Variants in SLC26A5 observed in about 807,000 individuals in gnomAD.
SLC26A5 encodes the protein prestin.
A neutral mutation model predicts 81.0 loss-of-function variants in SLC26A5; 51 were observed. The ratio of observed to expected loss-of-function variants is 0.63; its 90% CI spans 0.50 to 0.80. The LOEUF (loss-of-function observed/expected upper bound fraction) is 0.80, where lower values mean the gene tolerates loss of function less well. Ranked by LOEUF, SLC26A5 falls within the 30% of genes least tolerant of loss-of-function variation. The pLI, the probability that SLC26A5 is intolerant of heterozygous loss-of-function variation, is 0.00. For missense variants in SLC26A5, 771 were observed against 905.8 expected (o/e 0.85, Z 1.91); for synonymous variants, 325 against 332.8 (o/e 0.98, Z 0.25).
chr7:103,427,222 C>T (rs531793754), intron 2 of SLC26A5, among the ~76,000 whole-genome samples: 154 of 151,860 alleles, frequency 1.0e-3, no homozygotes, highest in African/African-American at 3.4e-3. Flanking sequence ...TACAGGTGTG[C>T]GCCACCACGC....
downstream of SLC26A5, among the ~76,000 whole-genome samples, chr7:103,371,484 C>T (rs1378907726): frequency 2.0e-5 from 3 of 150,816 alleles, 1 homozygote; most frequent in African/African-American, 7.3e-5. Context: ...GCCACTACGC[C>T]CGGCTAATTT....
chr7:103,443,624 T>C (rs904185602), intron 1 of SLC26A5, among the ~76,000 whole-genome samples: 1 of 152,190 alleles, frequency 6.6e-6, no homozygotes, highest in Admixed American at 6.5e-5. Context: ...TAAGAGTTGA[T>C]CTTGATCAAT....
chr7:103,366,183 G>GT, intron 19 of SLC26A5: 1 of 1,578,918 alleles, frequency 6.3e-7, no homozygotes, highest in East Asian at 2.2e-5. Context: ...ATACGTTAGA[G>GT]AACTGCTTTA....
chr7:103,444,609 G>A (rs140369550), intron 1 of SLC26A5, among the ~76,000 whole-genome samples: 1 of 152,356 alleles, frequency 6.6e-6, no homozygotes, highest in African/African-American at 2.4e-5. Flanking sequence ...GTTGGATTGA[G>A]TCAATTCTTT....
In SLC26A5 at chr7:103,420,843, T is replaced by C. The variant is rs1462874037; in HGVS notation, c.187A>G (p.Met63Val). 2 of 1,612,728 alleles carry C rather than the reference T, an allele frequency of 1.2e-6. No individual in the cohort carries two copies. The highest frequency in any genetic ancestry group is 4.5e-5 in the East Asian group (2 of 44,860). Reference sequence around the variant, plus strand: ...AGCCATTTAGTTATGGGTAGGAACATATAAATGATATTTCTTATTTTTTTA... The same window carrying C: ...AGCCATTTAGTTATGGGTAGGAACACATAAATGATATTTCTTATTTTTTTA... ...TPKKIRNIIY[M>V]FLPITKWLPA... The change falls in exon 4 of 20, where the codon ATG (methionine) becomes GTG (valine). Residue 63 changes from methionine (M) to valine (V), a missense_variant. Met to Val is a conservative substitution (Grantham distance 21). Transcript: ENST00000306312.
Position 103,367,948 on chromosome 7 carries a change from C to T in SLC26A5, c.2041+8860G>A. 1 of 1,613,884 alleles carries T rather than the reference C, an allele frequency of 6.2e-7. No homozygotes were observed. Among genetic ancestry groups the T allele is most frequent in the Non-Finnish European group, 8.5e-7 (1 of 1,179,962 alleles). On this transcript the variant is annotated intron_variant, in intron 19 of 19. Coordinates refer to the SLC26A5 transcript ENST00000339444. The surrounding 1 kb of genome is among the most constrained non-coding windows in gnomAD (Gnocchi z 6.1). ...GAGGCTGGTATGTTTGCCATCAGAG[C>T]ACGGCGAAAAATTGCTACCGAGAAG... is the stretch of plus-strand genomic sequence containing the variant.
chr7:103,371,903 G>A (rs1306492990), downstream of SLC26A5, among the ~76,000 whole-genome samples: 3 of 151,642 alleles, frequency 2.0e-5, no homozygotes, highest in Non-Finnish European at 4.4e-5. Context: ...CACCATGATG[G>A]CCAGGCTGGT....
At chr7:103,387,045 G>A (rs1343117133) in intron 14 of SLC26A5, among the ~76,000 whole-genome samples, 9 of 152,122 alleles carry the variant, frequency 5.9e-5, no homozygotes, top group Non-Finnish European at 1.2e-4. Flanking sequence ...ACAGGTGTGA[G>A]ACACCACACC....
At position 103,359,138 on chromosome 7, in the gene SLC26A5, C is replaced by CTTTTTTTTTTTTTT. The variant is rs35936603; in HGVS notation, c.2042-6226_2042-6213dup. On this transcript the variant is annotated intron_variant, in intron 19 of 19. Coordinates refer to the SLC26A5 transcript ENST00000339444. ...CAGGTGCATACCACCCCATGTCTGG[C>CTTTTTTTTTTTTTT]TTTTTTTTTTTTTTTTTTTTTTTTT... 9.6e-4 allele frequency among the ~76,000 whole-genome samples: 30 copies of CTTTTTTTTTTTTTT among 31,334 alleles called. 2 individuals carry two copies. The South Asian group carries it at 0.011, about 12-fold the overall frequency. The allele number at this position is 31,334 out of a possible 152,430, so 20.6% of individuals were successfully genotyped here.
At chr7:103,356,338 C>T (rs1820031267) in intron 19 of SLC26A5, among the ~76,000 whole-genome samples, 1 of 152,152 alleles carries the variant, frequency 6.6e-6, no homozygotes, top group Admixed American at 6.5e-5. Context: ...AAATGTTTCT[C>T]AGTGTATGTG....
In SLC26A5 at chr7:103,446,146, C is replaced by T. The variant is rs886061852; in HGVS notation, c.-231G>A. On this transcript the variant is annotated 5_prime_UTR_variant, in exon 1 of 20. Coordinates refer to ENST00000306312, the MANE Select transcript of SLC26A5 (RefSeq NM_198999.3). ...GCCGCCCCGCCGCGCTCCACAGCCG[C>T]TGCCTCTTCGACGCGCGCGCTGCCT... is the stretch of plus-strand genomic sequence containing the variant. 2 of 151,456 alleles carry T rather than the reference C, an allele frequency of 1.3e-5. No individual in the cohort carries two copies. Among genetic ancestry groups the T allele is most frequent in the Non-Finnish European group, 2.9e-5 (2 of 67,822 alleles). The allele number at this position is 151,456 out of a possible 1,614,324, so 9.4% of individuals were successfully genotyped here.
chr7:103,355,688 A>G (rs1381566426), intron 19 of SLC26A5: 7 of 1,607,642 alleles, frequency 4.4e-6, no homozygotes, highest in African/African-American at 1.3e-5. Context: ...ATCTTTCTCT[A>G]TGTAGGTATT....
chr7:103,411,607 G>A (rs1237493267), intron 5 of SLC26A5, 21 bp from the exon 6 acceptor site: 1 of 1,613,812 alleles, frequency 6.2e-7, no homozygotes. Flanking sequence ...GAAGCATGAA[G>A]ATCCCTGTTC....
intron 4 of SLC26A5, among the ~76,000 whole-genome samples, chr7:103,415,432 C>T (rs1182965400): frequency 6.6e-6 from 1 of 152,148 alleles, no homozygotes; most frequent in African/African-American, 2.4e-5. Context: ...CCCCCACCCC[C>T]ACTTCTGGCA....
intron 19 of SLC26A5, among the ~76,000 whole-genome samples, chr7:103,364,958 C>CATATAT (rs59914167): frequency 0.18 from 22,724 of 125,134 alleles, 2,316 homozygotes; most frequent in Middle Eastern, 0.26. Flanking sequence ...TGTAGACATA[C>CATATAT]ATATATATAT....
At chr7:103,420,715 GA>G (rs1231165100) in intron 4 of SLC26A5, 22 bp downstream of exon 4, 2 of 1,613,030 alleles carry the variant, frequency 1.2e-6, no homozygotes, top group African/African-American at 2.7e-5. Flanking sequence ...AGCAAGGGGG[GA>G]AAGAAAGAAA....
chr7:103,442,790 A>T (rs562410072), intron 2 of SLC26A5, among the ~76,000 whole-genome samples: 2 of 152,328 alleles, frequency 1.3e-5, no homozygotes, highest in South Asian at 2.1e-4. Flanking sequence ...AAATCCAGTA[A>T]GCATCTATTA....
rs1202378955 is a variant in SLC26A5 at position 103,367,006 on chromosome 7, T to C, written c.2041+9802A>G. ...TTTTAGTAGAGACGTGGTTTCACCA[T>C]GTTGGCCAGGCTGGTCTCGAACTCC... is the stretch of plus-strand genomic sequence containing the variant. On this transcript the variant is annotated intron_variant, in intron 19 of 19. Transcript: ENST00000339444. This position sits in a 1 kb window ranked among gnomAD's most constrained non-coding sequence, Gnocchi z 6.1. Among the ~76,000 whole-genome samples, 2 of 152,180 alleles carry C rather than the reference T, an allele frequency of 1.3e-5. No homozygotes were observed. Among genetic ancestry groups the C allele is most frequent in the Admixed American group, 1.3e-4 (2 of 15,280 alleles).
chr7:103,375,035 A>AACAC (rs901002259), intron 19 of SLC26A5, among the ~76,000 whole-genome samples: 5 of 144,684 alleles, frequency 3.5e-5, no homozygotes, highest in Middle Eastern at 3.3e-3. Context: ...TATATACACA[A>AACAC]ACACACACAC....
Sources: gnomAD v4.1 joint callset for allele counts (sites outside exome capture counted in the v4.1 genomes callset) on GRCh38, gnomAD v4.1.1 for gene constraint, Gnocchi (gnomAD v3.1) non-coding constraint, MANE v1.5 for transcripts, NCBI Gene and HGNC (gene_info 2026-07-23, HGNC 2026-07-21) for gene names.